SENP6: variants seen among roughly 807,000 people sequenced by gnomAD.
SENP6 encodes the protein sentrin-specific protease 6.
A neutral mutation model predicts 134.5 loss-of-function variants in SENP6; 41 were observed. That is an observed-to-expected ratio of 0.30 (90% CI 0.24 to 0.40). SENP6 has a LOEUF of 0.40. Ranked by LOEUF, SENP6 falls within the 10% of genes least tolerant of loss-of-function variation. The pLI is 1.00. For missense variants in SENP6, 1,248 were observed against 1,312.5 expected, an observed-to-expected ratio of 0.95 and a Z score of 0.76; for synonymous variants, 395 against 429.8, an observed-to-expected ratio of 0.92 and a Z score of 1.00.
chr6:75,621,556 G>A lies in SENP6; in HGVS notation c.77G>A (p.Arg26Lys), dbSNP rs746542977. 4.3e-6 allele frequency: 7 copies of A among 1,611,020 alleles called. No homozygotes were observed. The African/African-American group carries it at 9.4e-5, about 22-fold the overall frequency. ...GCTTTGGCTAGATCAGAGTCTAAGA[G>A]AGATGGAGGTTTTAAAAATAATTGG... ...LEALARSESK[R>K]DGGFKNNWSF... The change falls in exon 2 of 24, where the codon AGA becomes AAA. Residue 26 changes from arginine to lysine, a missense_variant. Arg to Lys is a conservative substitution (Grantham distance 26). Transcript: ENST00000447266.
At chr6:75,626,490 AT>A (rs1329738193) in intron 3 of SENP6, among the ~76,000 whole-genome samples, 1 of 152,134 alleles carries the variant, frequency 6.6e-6, no homozygotes, top group Admixed American at 6.5e-5. Context: ...TTATTGTTAT[AT>A]AGTACTTCAT....
chr6:75,662,984 C>T (rs988796877), intron 8 of SENP6, among the ~76,000 whole-genome samples: 1 of 152,032 alleles, frequency 6.6e-6, no homozygotes, highest in Admixed American at 6.6e-5. Flanking sequence ...TATTAAATCC[C>T]GACTAACATT....
rs1007350911 is a variant in SENP6, at chr6:75,622,780, C to T, written c.147-1120C>T. On this transcript the variant is annotated intron_variant, in intron 2 of 23. Transcript: ENST00000447266. Reference sequence around the variant, plus strand: ...TTCACTTCTGTCTGGGCAACAGCTCCGTTCATCATTACCACTTTATGTGCC... The same window carrying T: ...TTCACTTCTGTCTGGGCAACAGCTCTGTTCATCATTACCACTTTATGTGCC... 13 of 1,288,584 alleles carry T rather than the reference C, an allele frequency of 1.0e-5. No individual in the cohort carries two copies. In the Admixed American group the frequency reaches 2.3e-4, roughly 23 times the overall value. The allele number at this position is 1,288,584 out of a possible 1,614,324, so 79.8% of individuals were successfully genotyped here. A position where few individuals can be genotyped will look rare whatever the true frequency, so the allele number is the denominator to read the frequency against.
At chr6:75,646,042 A>C (rs72886846) in intron 6 of SENP6, among the ~76,000 whole-genome samples, 1 of 152,252 alleles carries the variant, frequency 6.6e-6, no homozygotes, top group South Asian at 2.1e-4. Flanking sequence ...CTATACATGC[A>C]TGTATGATTT....
Position 75,633,623 on chromosome 6 carries a change from T to C in SENP6, c.250T>C (p.Phe84Leu). The C allele has an allele frequency of 6.2e-7, 1 of 1,608,652 alleles. No homozygotes were observed. The highest frequency in any genetic ancestry group is 1.7e-4 in the Middle Eastern group (1 of 6,028). Residue 84 changes from phenylalanine (F) to leucine (L), a missense_variant, in exon 4 of 24, where the codon TTC becomes CTC. By Grantham distance (22) the Phe-to-Leu change is conservative. Transcript: ENST00000447266. ...AATTGTTGCTAATAGCTCTGGTGAA[T>C]TCATCTTGAAGACATATGTAAGACG... ...SEIVANSSGE[F>L]ILKTYVRRNK...
chr6:75,635,847 T>TAGAAA (rs1769471446), intron 5 of SENP6, among the ~76,000 whole-genome samples: 1 of 152,280 alleles, frequency 6.6e-6, no homozygotes, highest in Admixed American at 6.5e-5. Context: ...ATCATACTAA[T>TAGAAA]AGAAACCATT....
intron 16 of SENP6, among the ~76,000 whole-genome samples, chr6:75,688,091 C>T (rs1773974895): frequency 6.6e-6 from 1 of 152,236 alleles, no homozygotes; most frequent in African/African-American, 2.4e-5. Flanking sequence ...CCTACTCAAG[C>T]CTCAGCAATG....
At chr6:75,617,878 T>G (rs750379855) in intron 1 of SENP6, among the ~76,000 whole-genome samples, 1 of 152,234 alleles carries the variant, frequency 6.6e-6, no homozygotes, top group Admixed American at 6.5e-5. Context: ...TACAAAATAC[T>G]GTATACAGGT....
intron 16 of SENP6, among the ~76,000 whole-genome samples, chr6:75,691,999 G>A (rs1301726899): frequency 6.6e-6 from 1 of 152,074 alleles, no homozygotes; most frequent in African/African-American, 2.4e-5. Flanking sequence ...TGGGATTACA[G>A]GCATGTGCTA....
In SENP6 at chr6:75,703,016, G is replaced by C. The variant is rs778202339; in HGVS notation, c.2660G>C (p.Arg887Thr). The C allele has an allele frequency of 5.2e-5, 84 of 1,613,490 alleles. No individual in the cohort carries two copies. The highest frequency in any genetic ancestry group is 2.2e-4 in the South Asian group (20 of 90,948). Residue 887 changes from arginine (R) to threonine (T), a missense_variant, in exon 19 of 24, where the codon AGG becomes ACG. Physicochemically the swap from Arg to Thr is moderately conservative, Grantham distance 71 (BLOSUM62 -1). Coordinates refer to ENST00000447266, the MANE Select transcript of SENP6 (RefSeq NM_015571.4). ...TCTACATCCCAGAAAGTTGCTGATA[G>C]GACTAAAAGTGAGAATGGCCTACAG... ...GESTSQKVAD[R>T]TKSENGLQNE...
chr6:75,670,578 C>T lies in SENP6; in HGVS notation c.1250C>T (p.Pro417Leu), dbSNP rs762390347. 6.2e-7 allele frequency: 1 copy of T among 1,611,268 alleles called. No individual in the cohort carries two copies. The highest frequency in any genetic ancestry group is 8.5e-7 in the Non-Finnish European group (1 of 1,178,384). The change falls in exon 11 of 24, where the codon CCT becomes CTT. Residue 417 changes from proline to leucine, a missense_variant. Coordinates refer to ENST00000447266, the MANE Select transcript of SENP6 (RefSeq NM_015571.4). The part of the protein sequence containing the change: ...DQFGNSIINT[P>L]LKRRKVFSQE... ...TTTGGCAATTCTATTATCAACACACCTCTGAAACGTCGTAAAGTGTTTTCT... is the reference window on the plus strand; with the variant it reads ...TTTGGCAATTCTATTATCAACACACTTCTGAAACGTCGTAAAGTGTTTTCT...
In SENP6 at chr6:75,677,238, G is replaced by A; in HGVS notation, c.1830G>A (p.Lys610=). The change falls in exon 14 of 24, where the codon AAG becomes AAA. Residue 610 remains lysine (K), a synonymous_variant. Coordinates refer to ENST00000447266, the MANE Select transcript of SENP6 (RefSeq NM_015571.4). The part of the protein sequence containing the change: ...EESIKGSCGQ[K]ENKIKTVSFE... ...GCATCAAAGGAAGTTGTGGGCAAAA[G>A]GAAAACAAAATTAAAACTGTAATTA... 6.3e-7 allele frequency: 1 copy of A among 1,580,782 alleles called. No individual in the cohort carries two copies. Among genetic ancestry groups the A allele is most frequent in the Non-Finnish European group, 8.6e-7 (1 of 1,164,974 alleles).
At chr6:75,604,939 G>GGCGC (rs1289231609) in intron 1 of SENP6, among the ~76,000 whole-genome samples, 3 of 152,068 alleles carry the variant, frequency 2.0e-5, no homozygotes, top group Non-Finnish European at 4.4e-5. Flanking sequence ...CTGGCGTGGT[G>GGCGC]GCGCGCGCCT....
chr6:75,603,320 T>C (rs1001781916), intron 1 of SENP6, among the ~76,000 whole-genome samples: 5 of 152,106 alleles, frequency 3.3e-5, no homozygotes, highest in African/African-American at 1.2e-4. Flanking sequence ...GGGAACAATA[T>C]TGATTTTTTT....
rs1776086378 is a variant in SENP6, at chr6:75,717,939, G to A, written c.*2345G>A. 3 of 152,116 alleles carry A rather than the reference G, an allele frequency of 2.0e-5. No homozygotes were observed. Among genetic ancestry groups the A allele is most frequent in the Middle Eastern group, 3.2e-3 (1 of 316 alleles). 9.4% of individuals were successfully genotyped at this position (152,116 alleles called of 1,614,324 possible). ...CAGAAGTGGTGTTTAGTCCCTTCCCGTTAATGTTGCTGTGCTACTTCAGAC... is the reference window on the plus strand; with the variant it reads ...CAGAAGTGGTGTTTAGTCCCTTCCCATTAATGTTGCTGTGCTACTTCAGAC... On this transcript the variant is annotated 3_prime_UTR_variant, in exon 24 of 24. Transcript: ENST00000447266.
chr6:75,659,260 A>G lies in SENP6; in HGVS notation c.551-2A>G. 6.3e-7 allele frequency: 1 copy of G among 1,588,628 alleles called. No homozygotes were observed. Among genetic ancestry groups the G allele is most frequent in the Non-Finnish European group, 8.5e-7 (1 of 1,172,116 alleles). On this transcript the variant is annotated splice_acceptor_variant, in intron 7 of 23. Transcript: ENST00000447266. LOFTEE classifies it high-confidence loss of function. The stretch of plus-strand genomic sequence containing the variant: ...AAGTTTATTTTTTTCTCCTTCCTTT[A>G]GAACGTATAATGAAGAAAACAGAAG...
chr6:75,670,486 T>A (rs1412016243), intron 10 of SENP6, 67 bp from the exon 11 acceptor site: 1 of 1,165,214 alleles, frequency 8.6e-7, no homozygotes, highest in East Asian at 2.4e-5. Context: ...TCTTTGCATA[T>A]GTTTATACTT....
chr6:75,649,959 A>G (rs185579371), intron 7 of SENP6, among the ~76,000 whole-genome samples: 1 of 152,364 alleles, frequency 6.6e-6, no homozygotes, highest in East Asian at 1.9e-4. Context: ...AGAAATTGGT[A>G]TAAGATTCTT....
chr6:75,638,610 ATATATATATATATTTTTTTTTTTTT>A (rs1448649305), intron 5 of SENP6, among the ~76,000 whole-genome samples: 2 of 48,850 alleles, frequency 4.1e-5, no homozygotes, highest in African/African-American at 1.9e-4. Context: ...ATATATATAT[ATATATATATATATTTTTTTTTTTTT>A]TTTTTTTTTT....
Sources: gnomAD v4.1 joint callset for allele counts (sites outside exome capture counted in the v4.1 genomes callset) on GRCh38, gnomAD v4.1.1 for gene constraint, MANE v1.5 for transcripts, NCBI Gene and HGNC (gene_info 2026-07-23, HGNC 2026-07-21) for gene names.